Variants in ANO3 observed in about 807,000 individuals in gnomAD.
ANO3 encodes the protein anoctamin 3.
In ANO3, 99 loss-of-function variants were observed where a neutral mutation model predicts 144.8. The observed-to-expected ratio is 0.68, with a 90% CI of 0.58 to 0.81. The LOEUF is 0.81. ANO3 is among the 30% of genes least tolerant of loss of function. The pLI is 0.00. For synonymous variants in ANO3, 414 were observed against 392.6 expected (o/e 1.05, Z -0.64); for missense variants, 905 against 1,202.2 (o/e 0.75, Z 3.66).
chr11:26,359,624 T>G (rs1855871447), intron 1 of ANO3, among the ~76,000 whole-genome samples: 1 of 152,058 alleles, frequency 6.6e-6, no homozygotes, highest in Non-Finnish European at 1.5e-5. Context: ...CTCCTTAGAG[T>G]CTCTTCTCTG....
chr11:26,418,454 TGG>T (rs1857656665), intron 1 of ANO3, among the ~76,000 whole-genome samples: 1 of 152,094 alleles, frequency 6.6e-6, no homozygotes, highest in Non-Finnish European at 1.5e-5. Context: ...GTTTGCTTCC[TGG>T]GTCCATGTAA....
intron 24 of ANO3, among the ~76,000 whole-genome samples, chr11:26,651,945 A>G (rs1853546828): frequency 6.6e-6 from 1 of 152,136 alleles, no homozygotes; most frequent in African/African-American, 2.4e-5. Flanking sequence ...GGTCATAATA[A>G]CTCATTCTTG....
intron 1 of ANO3, among the ~76,000 whole-genome samples, chr11:26,397,786 A>T (rs868789763): frequency 6.6e-6 from 1 of 152,112 alleles, no homozygotes; most frequent in South Asian, 2.1e-4. Context: ...ATAGAACACA[A>T]GAACTGATTC....
chr11:26,238,172 C>T (rs1031286943), intron 1 of ANO3, among the ~76,000 whole-genome samples: 2 of 152,152 alleles, frequency 1.3e-5, no homozygotes, highest in African/African-American at 2.4e-5. Context: ...CACAAAATTC[C>T]CTAGGATTCA....
chr11:26,526,930 T>A (rs1252903084), intron 7 of ANO3, among the ~76,000 whole-genome samples: 1 of 152,144 alleles, frequency 6.6e-6, no homozygotes, highest in Non-Finnish European at 1.5e-5. Context: ...TTTGCAAGTT[T>A]ACAACTGCAG....
chr11:26,222,284 C>T (rs1174340493), intron 1 of ANO3, among the ~76,000 whole-genome samples: 4 of 152,230 alleles, frequency 2.6e-5, no homozygotes, highest in Admixed American at 2.0e-4. Flanking sequence ...CTCCATATAC[C>T]ACATCCAGTG....
intron 14 of ANO3, among the ~76,000 whole-genome samples, chr11:26,566,586 C>G (rs1284826539): frequency 6.6e-6 from 1 of 151,724 alleles, no homozygotes; most frequent in East Asian, 1.9e-4. Flanking sequence ...CAGAAGCCTT[C>G]TAGATTTAAG....
chr11:26,224,340 G>C (rs1384205636), intron 1 of ANO3, among the ~76,000 whole-genome samples: 1 of 152,208 alleles, frequency 6.6e-6, no homozygotes, highest in Middle Eastern at 3.2e-3. Context: ...CTGTCTGCCA[G>C]GCAGTCCACA....
In ANO3 at chr11:26,432,483, A is replaced by G. The variant is rs185221935; in HGVS notation, c.47-9435A>G. On this transcript the variant is annotated intron_variant, in intron 1 of 26. Coordinates refer to ENST00000256737, the MANE Select transcript of ANO3 (RefSeq NM_031418.4). Reference sequence around the variant, plus strand: ...TCATCATAGAACTTTGCCAGTTCCTATGTACATAATGGTATTGGCTAGGTC... The same window carrying G: ...TCATCATAGAACTTTGCCAGTTCCTGTGTACATAATGGTATTGGCTAGGTC... Among the ~76,000 whole-genome samples the G allele has an allele frequency of 5.3e-5, 8 of 152,232 alleles. No homozygotes were observed. In the East Asian group the frequency reaches 1.5e-3, roughly 29 times the overall value.
At chr11:26,300,896 C>G (rs367955506) in intron 1 of ANO3, among the ~76,000 whole-genome samples, 2 of 148,232 alleles carry the variant, frequency 1.3e-5, no homozygotes, top group African/African-American at 5.0e-5. Flanking sequence ...CTCTGTTGCC[C>G]AGGCTGAAGT....
chr11:26,410,230 C>T (rs1347795556), intron 1 of ANO3, among the ~76,000 whole-genome samples: 1 of 151,884 alleles, frequency 6.6e-6, no homozygotes, highest in African/African-American at 2.4e-5. Context: ...TAGTTGTGAA[C>T]AAGCCATATA....
chr11:26,527,161 T>C (rs1423401352), intron 7 of ANO3, among the ~76,000 whole-genome samples: 3 of 152,140 alleles, frequency 2.0e-5, no homozygotes. Context: ...AAAGCTATCA[T>C]GGCAAATGCG....
At chr11:26,559,271 A>C (rs1850187011) in intron 13 of ANO3, 1 of 158,594 alleles carries the variant, frequency 6.3e-6, no homozygotes, top group African/African-American at 2.4e-5. Context: ...GAATAGGGTT[A>C]GCTATGGGAA....
At chr11:26,540,458 A>T (rs1270550514) in intron 10 of ANO3, among the ~76,000 whole-genome samples, 1 of 152,170 alleles carries the variant, frequency 6.6e-6, no homozygotes, top group Admixed American at 6.5e-5. Flanking sequence ...GACAAATGGG[A>T]TCTAATTAAA....
At chr11:26,504,002 C>T (rs1342082825) in intron 4 of ANO3, among the ~76,000 whole-genome samples, 1 of 152,158 alleles carries the variant, frequency 6.6e-6, no homozygotes. Context: ...TGCTATGAGA[C>T]TCAGTTGATT....
chr11:26,215,690 G>A (rs1852022340), intron 1 of ANO3, among the ~76,000 whole-genome samples: 1 of 148,586 alleles, frequency 6.7e-6, no homozygotes, highest in Non-Finnish European at 1.5e-5. Flanking sequence ...TATGTATGCG[G>A]TGAATAATAA....
chr11:26,251,131 A>G (rs1273984087), intron 1 of ANO3, among the ~76,000 whole-genome samples: 1 of 152,220 alleles, frequency 6.6e-6, no homozygotes, highest in African/African-American at 2.4e-5. Flanking sequence ...ACACCATTGC[A>G]AAGTTGAAAA....
chr11:26,561,030 G>T, intron 14 of ANO3: 1 of 1,584,768 alleles, frequency 6.3e-7, no homozygotes, highest in South Asian at 1.1e-5. Flanking sequence ...GGATGTAGAT[G>T]ACACTTGCTG....
At chr11:26,415,600 A>G (rs563398357) in intron 1 of ANO3, among the ~76,000 whole-genome samples, 1 of 152,178 alleles carries the variant, frequency 6.6e-6, no homozygotes, top group South Asian at 2.1e-4. Context: ...AAGAGCTTAC[A>G]TGTCCTTATT....
Sources: allele counts gnomAD v4.1 joint callset (sites outside exome capture counted in the v4.1 genomes callset), GRCh38; gene constraint gnomAD v4.1.1; transcripts MANE v1.5; gene names NCBI Gene and HGNC (gene_info 2026-07-23, HGNC 2026-07-21).